DLEU7: variants seen among roughly 807,000 people sequenced by gnomAD.
The protein encoded by DLEU7 is deleted in lymphocytic leukemia 7.
DLEU7 carries 17 observed loss-of-function variants against 16.0 expected under a neutral mutation model. That is an observed-to-expected ratio of 1.06 (90% CI 0.73 to 1.59). The LOEUF (loss-of-function observed/expected upper bound fraction) is 1.59. DLEU7 is among the 40% of genes most tolerant of loss of function. The probability of loss-of-function intolerance (pLI) is 0.00; values close to 1 mark genes in which losing one functional copy is unlikely to be tolerated. For missense variants in DLEU7, 308 were observed against 314.9 expected (o/e 0.98, Z 0.17); for synonymous variants, 113 against 139.8 (o/e 0.81, Z 1.35).
chr13:50,751,057 C>T (rs539106), intron 1 of DLEU7, among the ~76,000 whole-genome samples: 77,032 of 151,980 alleles, frequency 0.51, 21,224 homozygotes, highest in African/African-American at 0.72. Flanking sequence ...TTCAGTATTA[C>T]GTTGGCTGTG....
chr13:50,793,376 AGATTGCTGGGTCAAAT>A (rs1876022188), intron 1 of DLEU7, among the ~76,000 whole-genome samples: 1 of 152,184 alleles, frequency 6.6e-6, no homozygotes, highest in South Asian at 2.1e-4. Flanking sequence ...CCCAGTAGTG[AGATTGCTGGGTCAAAT>A]GATAGTTCAA....
intron 1 of DLEU7, among the ~76,000 whole-genome samples, chr13:50,765,762 T>A (rs1289295213): frequency 6.6e-6 from 1 of 151,924 alleles, no homozygotes; most frequent in South Asian, 2.1e-4. Context: ...GGCACTGTAC[T>A]GGGAGCCAGC....
chr13:50,837,888 C>T lies in DLEU7; in HGVS notation c.459+5300G>A, dbSNP rs533789972. Among the ~76,000 whole-genome samples, 3 of 152,136 alleles carry T rather than the reference C, an allele frequency of 2.0e-5. No individual in the cohort carries two copies. The East Asian group carries it at 5.8e-4, about 29-fold the overall frequency. Reference sequence around the variant, plus strand: ...TGGCAGGGACACATTCAAATGTTTTCAAAGTTTGCTAATGACAAGGAAGGG... The same window carrying T: ...TGGCAGGGACACATTCAAATGTTTTTAAAGTTTGCTAATGACAAGGAAGGG... On this transcript the variant is annotated intron_variant, in intron 1 of 1. Coordinates refer to ENST00000504404, the MANE Select transcript of DLEU7 (RefSeq NM_001306135.2).
At chr13:50,789,031 C>T (rs1360479131) in intron 1 of DLEU7, among the ~76,000 whole-genome samples, 1 of 152,050 alleles carries the variant, frequency 6.6e-6, no homozygotes, top group Non-Finnish European at 1.5e-5. Context: ...TTTTGGAAAA[C>T]ATACATCTGG....
At chr13:50,752,077 A>T (rs1278262835) in intron 1 of DLEU7, among the ~76,000 whole-genome samples, 4 of 116,782 alleles carry the variant, frequency 3.4e-5, no homozygotes, top group African/African-American at 6.9e-5. Flanking sequence ...TTTGAGATGG[A>T]GTCTTGCTCT....
intron 1 of DLEU7, among the ~76,000 whole-genome samples, chr13:50,833,747 A>G (rs1050616278): frequency 7.9e-5 from 12 of 152,206 alleles, no homozygotes; most frequent in Non-Finnish European, 1.5e-4. Flanking sequence ...TCCTAAGCCA[A>G]AAGAACAAAG....
At chr13:50,776,337 G>A (rs753586108) in intron 1 of DLEU7, among the ~76,000 whole-genome samples, 16 of 152,308 alleles carry the variant, frequency 1.1e-4, no homozygotes, top group South Asian at 6.2e-4. Context: ...TTGAATTGCC[G>A]GATAGCCCAG....
intron 1 of DLEU7, among the ~76,000 whole-genome samples, chr13:50,829,057 C>T (rs1336494950): frequency 6.6e-6 from 1 of 150,946 alleles, no homozygotes; most frequent in Non-Finnish European, 1.5e-5. Context: ...TCTTAAAACA[C>T]TGTAAGATTT....
At chr13:50,713,312 T>G in intron 1 of DLEU7, 1 of 1,539,834 alleles carries the variant, frequency 6.5e-7, no homozygotes, top group Non-Finnish European at 8.8e-7. Flanking sequence ...CAACAATTAT[T>G]TACTGAGCAC....
chr13:50,796,058 C>T (rs1472165421), intron 1 of DLEU7, among the ~76,000 whole-genome samples: 1 of 142,108 alleles, frequency 7.0e-6, no homozygotes, highest in Non-Finnish European at 1.5e-5. Flanking sequence ...CTCAGCATAC[C>T]ACCAGGATAT....
intron 1 of DLEU7, among the ~76,000 whole-genome samples, chr13:50,817,049 T>G (rs573861039): frequency 3.3e-5 from 5 of 152,192 alleles, no homozygotes; most frequent in Non-Finnish European, 5.9e-5. Flanking sequence ...CCAACTTGTT[T>G]CTAGGATCCC....
exon 2 of DLEU7, chr13:50,712,804 C>T (rs2137698281): frequency 5.4e-6 from 1 of 185,164 alleles, no homozygotes; most frequent in South Asian, 1.2e-4. Flanking sequence ...AGGTAACTGG[C>T]TTAGGAGAAT....
chr13:50,749,112 T>C (rs1193116315), intron 1 of DLEU7, among the ~76,000 whole-genome samples: 1 of 148,002 alleles, frequency 6.8e-6, no homozygotes, highest in Non-Finnish European at 1.5e-5. Flanking sequence ...ATAGCTTAGC[T>C]CCCACATATC....
At chr13:50,818,858 C>T (rs1362175337), downstream of DLEU7, among the ~76,000 whole-genome samples, 1 of 152,130 alleles carries the variant, frequency 6.6e-6, no homozygotes, top group African/African-American at 2.4e-5. Context: ...TGTGTTCTCT[C>T]CCTTTGCCTT....
At chr13:50,794,873 G>A (rs917855618) in intron 1 of DLEU7, among the ~76,000 whole-genome samples, 12 of 151,900 alleles carry the variant, frequency 7.9e-5, no homozygotes, top group Non-Finnish European at 1.6e-4. Context: ...GGCTAGGTTG[G>A]AAATTAAGTA....
chr13:50,736,051 C>T (rs530616986), intron 1 of DLEU7, among the ~76,000 whole-genome samples: 3 of 152,034 alleles, frequency 2.0e-5, no homozygotes, highest in Non-Finnish European at 4.4e-5. Context: ...AAAATACATG[C>T]GTGTGTACGT....
chr13:50,713,123 C>T (rs1207527038), exon 2 of DLEU7: 4 of 1,450,294 alleles, frequency 2.8e-6, no homozygotes, highest in Admixed American at 4.0e-5. Flanking sequence ...AGTGGTTTAA[C>T]ATCCCATCTC....
intron 1 of DLEU7, among the ~76,000 whole-genome samples, chr13:50,763,989 A>G (rs9563000): frequency 0.098 from 14,907 of 152,284 alleles, 1,461 homozygotes; most frequent in East Asian, 0.28. Flanking sequence ...GACAATATTA[A>G]AGAAGAGACA....
At chr13:50,758,394 AC>A (rs34757648) in intron 1 of DLEU7, among the ~76,000 whole-genome samples, 71,378 of 151,936 alleles carry the variant, frequency 0.47, 17,717 homozygotes, top group African/African-American at 0.62. Flanking sequence ...TTAGTTATCC[AC>A]TGCTGCATAA....
Sources: gnomAD v4.1 joint callset for allele counts (sites outside exome capture counted in the v4.1 genomes callset) on GRCh38, gnomAD v4.1.1 for gene constraint, MANE v1.5 for transcripts, NCBI Gene and HGNC (gene_info 2026-07-23, HGNC 2026-07-21) for gene names.